Variants in PLCG2 observed in about 807,000 individuals in gnomAD.
The protein encoded by PLCG2 is phospholipase C gamma 2, also known as 1-phosphatidylinositol 4,5-bisphosphate phosphodiesterase gamma-2.
Under a neutral mutation model 175.6 loss-of-function variants are expected in PLCG2, and 69 were observed. That is an observed-to-expected ratio of 0.39 (90% CI 0.32 to 0.48). The LOEUF (loss-of-function observed/expected upper bound fraction) is 0.48. PLCG2 is among the 20% of genes least tolerant of loss of function. The pLI is 0.91. For synonymous variants in PLCG2, 827 were observed against 624.0 expected (o/e 1.33, Z -4.85); for missense variants, 1,798 against 1,650.9 (o/e 1.09, Z -1.54).
intron 2 of PLCG2, among the ~76,000 whole-genome samples, chr16:81,853,772 G>C (rs1483603955): frequency 6.6e-6 from 1 of 152,086 alleles, no homozygotes; most frequent in Non-Finnish European, 1.5e-5. Flanking sequence ...GCTATATAAG[G>C]CATAAATACT....
Position 81,936,379 on chromosome 16 carries a change from G to C in PLCG2, c.3052+1G>C. On this transcript the variant is annotated splice_donor_variant, in intron 27 of 32. Coordinates refer to ENST00000564138, the MANE Select transcript of PLCG2 (RefSeq NM_002661.5). LOFTEE classifies it high-confidence loss of function. ...GTGGCACTCAATTTCCAGACGGCAG[G>C]TAAAGGCCGACTGAAGGTAGTCCCG... The C allele has an allele frequency of 6.2e-7, 1 of 1,612,826 alleles. No homozygotes were observed. Among genetic ancestry groups the C allele is most frequent in the Non-Finnish European group, 8.5e-7 (1 of 1,179,562 alleles).
intron 2 of PLCG2, among the ~76,000 whole-genome samples, chr16:81,816,791 G>C (rs141891101): frequency 1.3e-5 from 2 of 149,516 alleles, no homozygotes; most frequent in African/African-American, 4.9e-5. Flanking sequence ...CATTAGCCAC[G>C]GTGCCCAGCC....
intron 2 of PLCG2, among the ~76,000 whole-genome samples, chr16:81,767,296 C>T (rs1200553979): frequency 1.3e-5 from 2 of 151,988 alleles, no homozygotes; most frequent in African/African-American, 4.8e-5. Context: ...GGGCGTCTGC[C>T]AACATGCCTG....
At chr16:81,788,271 T>C (rs1179457908) in intron 2 of PLCG2, among the ~76,000 whole-genome samples, 1 of 152,184 alleles carries the variant, frequency 6.6e-6, no homozygotes, top group Non-Finnish European at 1.5e-5. Context: ...ATTTCTGAGC[T>C]GAAGGATATG....
chr16:81,819,864 G>T (rs573818992), intron 2 of PLCG2, among the ~76,000 whole-genome samples: 18 of 152,344 alleles, frequency 1.2e-4, no homozygotes, highest in Middle Eastern at 3.4e-3. Flanking sequence ...GATTACAGCT[G>T]TGAGCCACTG....
At chr16:81,829,211 C>T (rs575412474) in intron 2 of PLCG2, among the ~76,000 whole-genome samples, 13 of 152,266 alleles carry the variant, frequency 8.5e-5, no homozygotes, top group South Asian at 8.3e-4. Flanking sequence ...CGGGTTCAAG[C>T]GATTCTCCTG....
chr16:81,887,190 G>C (rs1908412269), intron 9 of PLCG2, among the ~76,000 whole-genome samples: 1 of 150,684 alleles, frequency 6.6e-6, no homozygotes, highest in Non-Finnish European at 1.5e-5. Flanking sequence ...CGCGATCTCT[G>C]CTCACCGCAA....
intron 2 of PLCG2, among the ~76,000 whole-genome samples, chr16:81,768,732 A>T (rs1043755563): frequency 6.6e-5 from 10 of 151,684 alleles, no homozygotes; most frequent in East Asian, 3.9e-4. Context: ...TACCTGGGAA[A>T]TTTTTTGTAT....
At chr16:81,753,739 C>T (rs1334564720) in intron 1 of PLCG2, among the ~76,000 whole-genome samples, 2 of 152,154 alleles carry the variant, frequency 1.3e-5, no homozygotes, top group African/African-American at 4.8e-5. Flanking sequence ...ATGAGGGAAC[C>T]AGGAGGTGAC....
intron 1 of PLCG2, among the ~76,000 whole-genome samples, chr16:81,783,832 G>GT (rs34044546): frequency 0.032 from 4,826 of 151,500 alleles, 164 homozygotes; most frequent in African/African-American, 0.092. Context: ...TCTCAGCAGG[G>GT]TTTTTTTTTA....
intron 30 of PLCG2, among the ~76,000 whole-genome samples, chr16:81,941,968 C>T (rs1377933899): frequency 1.3e-5 from 2 of 152,172 alleles, no homozygotes; most frequent in African/African-American, 4.8e-5. Flanking sequence ...GCTGTGATTC[C>T]TTAATTTGCT....
intron 2 of PLCG2, among the ~76,000 whole-genome samples, chr16:81,772,612 C>T (rs561165758): frequency 2.6e-5 from 4 of 150,956 alleles, no homozygotes; most frequent in Admixed American, 2.6e-4. Flanking sequence ...GAGTTCAAGA[C>T]CAGCCTGGCC....
rs570193915 is a variant in PLCG2, at chr16:81,784,048, T to C, written c.-47-1895T>C. Reference sequence around the variant, plus strand: ...CCGCCGTGCCCCCAGTGCATGCTTCTGCTGCTGCACTTGTAACTACATTAG... The same window carrying C: ...CCGCCGTGCCCCCAGTGCATGCTTCCGCTGCTGCACTTGTAACTACATTAG... On this transcript the variant is annotated intron_variant, in intron 1 of 32. Transcript: ENST00000564138. Among the ~76,000 whole-genome samples the C allele has an allele frequency of 1.4e-4, 21 of 152,338 alleles. No homozygotes were observed. The South Asian group carries it at 4.4e-3, about 32-fold the overall frequency.
At chr16:81,885,802 C>T (rs534946156) in intron 9 of PLCG2, among the ~76,000 whole-genome samples, 8 of 152,270 alleles carry the variant, frequency 5.3e-5, no homozygotes, top group East Asian at 1.9e-4. Flanking sequence ...AGGAAAGGGT[C>T]GTAGCTACCC....
chr16:81,771,065 A>T (rs7498940), intron 2 of PLCG2, among the ~76,000 whole-genome samples: 21 of 59,680 alleles, frequency 3.5e-4, no homozygotes, highest in African/African-American at 6.5e-4. Flanking sequence ...CTCAAAAAAA[A>T]AAAAAAATAA....
intron 2 of PLCG2, among the ~76,000 whole-genome samples, chr16:81,772,363 G>A (rs569833459): frequency 6.6e-6 from 1 of 152,248 alleles, no homozygotes; most frequent in South Asian, 2.1e-4. Flanking sequence ...TGCTGCTGCT[G>A]GCACCTTGCA....
At position 81,880,967 on chromosome 16, in the gene PLCG2, T is replaced by G; in HGVS notation, c.692+14T>G. ...GTTCATCCTGGGGTGAGGCAGCTCT[T>G]GTGTGTCGTTCGGGGCGGCTGTGCC... is the stretch of plus-strand genomic sequence containing the variant. On this transcript the variant is annotated intron_variant, in intron 8 of 32. Transcript: ENST00000564138. 6.2e-7 allele frequency: 1 copy of G among 1,613,898 alleles called. No individual in the cohort carries two copies. Among genetic ancestry groups the G allele is most frequent in the Non-Finnish European group, 8.5e-7 (1 of 1,179,750 alleles).
intron 13 of PLCG2, among the ~76,000 whole-genome samples, chr16:81,897,090 C>T (rs1000892712): frequency 1.3e-5 from 2 of 152,220 alleles, no homozygotes; most frequent in Non-Finnish European, 2.9e-5. Flanking sequence ...GAGGTAAACA[C>T]ATGAGTCTGG....
upstream of PLCG2, among the ~76,000 whole-genome samples, chr16:81,778,714 G>C (rs1379166732): frequency 6.6e-6 from 1 of 152,174 alleles, no homozygotes; most frequent in African/African-American, 2.4e-5. Flanking sequence ...TAGCAGTAAG[G>C]GTTGGTCTGA....
Sources: gnomAD v4.1 joint callset for allele counts (sites outside exome capture counted in the v4.1 genomes callset) on GRCh38, gnomAD v4.1.1 for gene constraint, MANE v1.5 for transcripts, NCBI Gene and HGNC (gene_info 2026-07-23, HGNC 2026-07-21) for gene names.